The following DMXL2 variants were observed in gnomAD, a reference collection of about 807,000 sequenced individuals.
The protein encoded by DMXL2 is dmX-like protein 2.
DMXL2 carries 103 observed loss-of-function variants against 331.1 expected under a neutral mutation model. The observed-to-expected ratio is 0.31, with a 90% CI of 0.27 to 0.37. The LOEUF is 0.37. Among genes scored for constraint, DMXL2 ranks in the 10% least tolerant of loss-of-function variants. The pLI is 1.00. For synonymous variants in DMXL2, 1,281 were observed against 1,252.1 expected, an observed-to-expected ratio of 1.02 and a Z score of -0.49; for missense variants, 3,171 against 3,642.9, an observed-to-expected ratio of 0.87 and a Z score of 3.33.
Position 51,506,665 on chromosome 15 carries a change from G to T in DMXL2, c.2764+469C>A, listed in dbSNP as rs986519811. Among the ~76,000 whole-genome samples, 5 of 151,856 alleles carry T rather than the reference G, an allele frequency of 3.3e-5. No individual in the cohort carries two copies. The South Asian group carries it at 1.0e-3, about 32-fold the overall frequency. ...AGACAGGGTTTCACCATGTTAGCCA[G>T]GATGGTCTCGATCTCCTGACCTCGT... On this transcript the variant is annotated intron_variant, in intron 16 of 43. Coordinates refer to ENST00000560891, the MANE Select transcript of DMXL2 (RefSeq NM_001378457.1).
chr15:51,473,872 G>A (rs1300045854), intron 28 of DMXL2, among the ~76,000 whole-genome samples: 4 of 152,202 alleles, frequency 2.6e-5, no homozygotes, highest in Non-Finnish European at 4.4e-5. Context: ...AAAACTGTGT[G>A]TATGATTGGA....
intron 15 of DMXL2, among the ~76,000 whole-genome samples, chr15:51,513,886 T>A (rs2046892368): frequency 1.3e-5 from 2 of 152,154 alleles, no homozygotes; most frequent in South Asian, 4.1e-4. Flanking sequence ...TAAGCTAAGT[T>A]ATAAAGTTTA....
intron 29 of DMXL2, among the ~76,000 whole-genome samples, chr15:51,466,745 C>A (rs1315484774): frequency 6.6e-6 from 1 of 151,860 alleles, no homozygotes; most frequent in Non-Finnish European, 1.5e-5. Flanking sequence ...AACTGTAATT[C>A]TTTATAAGTT....
Position 51,486,284 on chromosome 15 carries a change from T to C in DMXL2, c.5271A>G (p.Leu1757=), listed in dbSNP as rs769463371. ...ATGAAGTCTCAAATTCAGATTCATA[T>C]AAACGGGCAATAACCATGGCTAGCT... is the stretch of plus-strand genomic sequence containing the variant. ...DIQLAMVIAR[L]YESEFETSST... is the part of the protein sequence containing the mutation. The change falls in exon 23 of 44, where the codon TTA becomes TTG. Residue 1757 remains leucine (L), a synonymous_variant. Transcript: ENST00000560891. 3 of 1,610,610 alleles carry C rather than the reference T, an allele frequency of 1.9e-6. No homozygotes were observed. Among genetic ancestry groups the C allele is most frequent in the Non-Finnish European group, 2.5e-6 (3 of 1,177,096 alleles).
intron 17 of DMXL2, among the ~76,000 whole-genome samples, chr15:51,501,165 T>C (rs957175865): frequency 2.6e-5 from 4 of 151,930 alleles, no homozygotes; most frequent in African/African-American, 7.3e-5. Flanking sequence ...AGCCCAAGAG[T>C]ACACTCTTCT....
In DMXL2 at chr15:51,538,127, C is replaced by G. The variant is rs529510301; in HGVS notation, c.1345+86G>C. The G allele has an allele frequency of 1.8e-4, 262 of 1,456,158 alleles. No homozygotes were observed. In the African/African-American group the frequency reaches 3.2e-3, roughly 18 times the overall value. The allele number at this position is 1,456,158 out of a possible 1,614,324, so 90.2% of individuals were successfully genotyped here. ...ATAGAAAAGTAAAAAGGAGGAAGAG[C>G]GGGAAGGAAGAATTCAAAACTAAAA... On this transcript the variant is annotated intron_variant, in intron 10 of 43. Transcript: ENST00000560891.
chr15:51,526,697 A>G (rs997589503), intron 13 of DMXL2, among the ~76,000 whole-genome samples: 1 of 152,246 alleles, frequency 6.6e-6, no homozygotes, highest in Non-Finnish European at 1.5e-5. Flanking sequence ...AAATTTAACA[A>G]GAAATTTAAA....
At chr15:51,503,892 T>C (rs908842508) in intron 16 of DMXL2, among the ~76,000 whole-genome samples, 1 of 152,172 alleles carries the variant, frequency 6.6e-6, no homozygotes, top group Non-Finnish European at 1.5e-5. Context: ...ACAAGGTCAA[T>C]TTTCAAACTT....
intron 1 of DMXL2, among the ~76,000 whole-genome samples, chr15:51,620,637 G>A (rs577037881): frequency 4.6e-5 from 7 of 152,146 alleles, no homozygotes; most frequent in African/African-American, 1.7e-4. Flanking sequence ...AGAAGTTATC[G>A]GACATGACAG....
At chr15:51,621,626 A>C (rs550875628) in intron 1 of DMXL2, among the ~76,000 whole-genome samples, 1 of 152,358 alleles carries the variant, frequency 6.6e-6, no homozygotes, top group South Asian at 2.1e-4. Flanking sequence ...TGATGAGTCC[A>C]ATCTCCTTGA....
intron 33 of DMXL2, chr15:51,459,925 G>A: frequency 9.2e-7 from 1 of 1,092,020 alleles, no homozygotes; most frequent in South Asian, 2.5e-5. Flanking sequence ...TCTGTATACA[G>A]TTTTAAGAAA....
intron 1 of DMXL2, among the ~76,000 whole-genome samples, chr15:51,581,391 C>T (rs1261842933): frequency 1.3e-5 from 2 of 152,134 alleles, no homozygotes; most frequent in East Asian, 1.9e-4. Flanking sequence ...GAGACCGCTG[C>T]TCTAGAGGGT....
chr15:51,580,694 T>G (rs2051349027), intron 1 of DMXL2, among the ~76,000 whole-genome samples: 1 of 152,212 alleles, frequency 6.6e-6, no homozygotes, highest in Non-Finnish European at 1.5e-5. Context: ...GTGGGAGGAT[T>G]TGTTTTATAA....
intron 27 of DMXL2, among the ~76,000 whole-genome samples, chr15:51,475,045 G>A (rs903556005): frequency 1.3e-5 from 2 of 152,176 alleles, no homozygotes; most frequent in African/African-American, 2.4e-5. Flanking sequence ...TTACAATGGA[G>A]AAACTTGGCA....
At chr15:51,464,387 G>A (rs1566985696) in intron 32 of DMXL2, among the ~76,000 whole-genome samples, 1 of 152,180 alleles carries the variant, frequency 6.6e-6, no homozygotes, top group Admixed American at 6.5e-5. Flanking sequence ...GTGACAGAGT[G>A]AGACCTTGTC....
At chr15:51,459,715 A>G in intron 33 of DMXL2, 55 bp from the exon 34 acceptor site, 1 of 1,284,804 alleles carries the variant, frequency 7.8e-7, no homozygotes. Flanking sequence ...ATGAAATTAT[A>G]AAGACAGTGA....
At position 51,517,132 on chromosome 15, in the gene DMXL2, T is replaced by C. The variant is rs1349697584; in HGVS notation, c.2472A>G (p.Gln824=). ...TGCAGCCAGGTCGAGCAGTAGACTG[T>C]TGGCTCACAATATTAAACACTTCTC... ...LIGEVFNIVS[Q]QSTARPGCII... Residue 824 remains glutamine (Q), a synonymous_variant, in exon 14 of 44, where the codon CAA becomes CAG. Transcript: ENST00000560891. 2 of 1,613,950 alleles carry C rather than the reference T, an allele frequency of 1.2e-6. No homozygotes were observed. Among genetic ancestry groups the C allele is most frequent in the East Asian group, 4.5e-5 (2 of 44,886 alleles).
At chr15:51,622,124 G>T (rs550965514) in intron 1 of DMXL2, among the ~76,000 whole-genome samples, 1 of 152,274 alleles carries the variant, frequency 6.6e-6, no homozygotes, top group Admixed American at 6.5e-5. Context: ...GACGCTCTGG[G>T]GTTTCAGCCG....
chr15:51,491,758 A>C lies in DMXL2; in HGVS notation c.4784-11T>G, dbSNP rs2042815649. ...GGCATGTAGAGACACCTAAATTGGA[A>C]ATATAAAATAATAATCTGCGTAACT... is the stretch of plus-strand genomic sequence containing the variant. On this transcript the variant is annotated splice_polypyrimidine_tract_variant and intron_variant, in intron 19 of 43. Coordinates refer to ENST00000560891, the MANE Select transcript of DMXL2 (RefSeq NM_001378457.1). 1.3e-6 allele frequency: 2 copies of C among 1,586,276 alleles called. No homozygotes were observed. Among genetic ancestry groups the C allele is most frequent in the East Asian group, 4.5e-5 (2 of 44,570 alleles).
Sources: allele counts gnomAD v4.1 joint callset (sites outside exome capture counted in the v4.1 genomes callset), GRCh38; gene constraint gnomAD v4.1.1; transcripts MANE v1.5; gene names NCBI Gene and HGNC (gene_info 2026-07-23, HGNC 2026-07-21).